The following JMJD1C variants were observed in gnomAD, a reference collection of about 807,000 sequenced individuals.
The protein encoded by JMJD1C is jumonji domain containing 1C.
JMJD1C carries 31 observed loss-of-function variants against 245.3 expected under a neutral mutation model. That is an observed-to-expected ratio of 0.13 (90% confidence interval 0.09 to 0.17). The LOEUF is 0.17. Among genes scored for constraint, JMJD1C ranks in the 10% least tolerant of loss-of-function variants. The probability of loss-of-function intolerance (pLI) is 1.00; values close to 1 mark genes in which losing one functional copy is unlikely to be tolerated. For synonymous variants in JMJD1C, 1,057 were observed against 1,017.4 expected (o/e 1.04, Z -0.74); for missense variants, 2,691 against 3,000.2 (o/e 0.90, Z 2.41).
At chr10:63,476,858 AG>A (rs1953677285) in intron 1 of JMJD1C, among the ~76,000 whole-genome samples, 1 of 152,242 alleles carries the variant, frequency 6.6e-6, no homozygotes, top group African/African-American at 2.4e-5. Context: ...TGAGGCCAGC[AG>A]ATCAAAGCTG....
At chr10:63,241,622 A>G (rs543718224) in intron 3 of JMJD1C, among the ~76,000 whole-genome samples, 124 of 152,252 alleles carry the variant, frequency 8.1e-4, no homozygotes, top group Middle Eastern at 3.4e-3. Flanking sequence ...ATTTTCACAT[A>G]GTATGTTATT....
At chr10:63,325,018 T>C (rs1428541903) in intron 2 of JMJD1C, among the ~76,000 whole-genome samples, 2 of 152,156 alleles carry the variant, frequency 1.3e-5, no homozygotes, top group Admixed American at 6.5e-5. Flanking sequence ...GACAAAGATA[T>C]ATATAGTCTA....
chr10:63,310,760 T>G (rs1939073188), intron 2 of JMJD1C, among the ~76,000 whole-genome samples: 1 of 152,210 alleles, frequency 6.6e-6, no homozygotes, highest in African/African-American at 2.4e-5. Flanking sequence ...CAAATCATTT[T>G]TTTTTAAATA....
At chr10:63,205,099 G>T in intron 10 of JMJD1C, 2 of 809,362 alleles carry the variant, frequency 2.5e-6, no homozygotes, top group Non-Finnish European at 3.0e-6. Context: ...ACACTTTATA[G>T]TGAATATTAC....
intron 3 of JMJD1C, among the ~76,000 whole-genome samples, chr10:63,251,426 T>G (rs1589287275): frequency 6.6e-6 from 1 of 152,216 alleles, no homozygotes; most frequent in African/African-American, 2.4e-5. Context: ...CCTATTTAAG[T>G]GCAAATGTGA....
At chr10:63,296,276 C>T (rs1859424054) in intron 2 of JMJD1C, among the ~76,000 whole-genome samples, 1 of 151,886 alleles carries the variant, frequency 6.6e-6, no homozygotes, top group African/African-American at 2.4e-5. Flanking sequence ...TCCCAAAGTG[C>T]TGGGATTACA....
intron 3 of JMJD1C, among the ~76,000 whole-genome samples, chr10:63,224,711 T>C (rs1197287669): frequency 6.6e-6 from 1 of 152,156 alleles, no homozygotes; most frequent in Non-Finnish European, 1.5e-5. Flanking sequence ...GAATATCCAC[T>C]ATCTTTCACA....
chr10:63,350,160 C>T (rs7073932), intron 2 of JMJD1C, among the ~76,000 whole-genome samples: 101,563 of 151,978 alleles, frequency 0.67, 36,406 homozygotes, highest in Non-Finnish European at 0.81. Context: ...ATCCTTATTA[C>T]CTCCATTTTG....
chr10:63,397,989 T>A (rs1390844440), intron 1 of JMJD1C, among the ~76,000 whole-genome samples: 2 of 152,258 alleles, frequency 1.3e-5, no homozygotes, highest in African/African-American at 4.8e-5. Context: ...CTTTTTAAAA[T>A]TTTTAACCTT....
At chr10:63,423,656 T>C (rs1363947073) in intron 1 of JMJD1C, among the ~76,000 whole-genome samples, 2 of 152,224 alleles carry the variant, frequency 1.3e-5, no homozygotes, top group Non-Finnish European at 2.9e-5. Flanking sequence ...TGGATAAATA[T>C]GTAGAATTGA....
chr10:63,420,407 TA>T (rs1235770632), intron 1 of JMJD1C, among the ~76,000 whole-genome samples: 3 of 151,580 alleles, frequency 2.0e-5, no homozygotes, highest in Admixed American at 2.0e-4. Context: ...ATTTAAAGAC[TA>T]AAAAAGGGCT....
intron 1 of JMJD1C, among the ~76,000 whole-genome samples, chr10:63,423,207 T>C (rs1455232546): frequency 6.6e-6 from 1 of 152,108 alleles, no homozygotes; most frequent in African/African-American, 2.4e-5. Context: ...TCTGGTGATA[T>C]GCCCACCTCA....
Position 63,484,835 on chromosome 10 carries a change from A to AG in JMJD1C, n.113+36902dup, listed in dbSNP as rs371461967. On this transcript the variant is annotated intron_variant and non_coding_transcript_variant, in intron 1 of 3. Coordinates refer to the JMJD1C transcript ENST00000633035. ...ATGGCCAGACTCAAATAGAAAATAG[A>AG]GGGGGGGAATAAAAGGAAGGAAGGA... is the stretch of plus-strand genomic sequence containing the variant. Among the ~76,000 whole-genome samples the AG allele has an allele frequency of 2.6e-3, 402 of 152,024 alleles. 2 individuals are homozygous for AG. The Middle Eastern group carries it at 0.031, about 12-fold the overall frequency.
chr10:63,393,537 G>GT (rs1329005932), intron 1 of JMJD1C, among the ~76,000 whole-genome samples: 1 of 152,024 alleles, frequency 6.6e-6, no homozygotes, highest in East Asian at 1.9e-4. Flanking sequence ...TCACTACTGG[G>GT]TATTTATCCA....
intron 1 of JMJD1C, among the ~76,000 whole-genome samples, chr10:63,416,960 T>C (rs1013562590): frequency 6.6e-6 from 1 of 152,182 alleles, no homozygotes; most frequent in African/African-American, 2.4e-5. Flanking sequence ...TTTACTAGTC[T>C]GAAAACATCT....
At chr10:63,186,683 T>TC (rs1844171580) in intron 18 of JMJD1C, among the ~76,000 whole-genome samples, 1 of 152,340 alleles carries the variant, frequency 6.6e-6, no homozygotes, top group Admixed American at 6.5e-5. Flanking sequence ...AGGGTAGATG[T>TC]CCTCTCCACC....
chr10:63,290,857 TA>T (rs201982252), intron 2 of JMJD1C, among the ~76,000 whole-genome samples: 5 of 152,036 alleles, frequency 3.3e-5, no homozygotes, highest in African/African-American at 4.8e-5. Context: ...AACGACAAGC[TA>T]AAAAAAATCA....
chr10:63,394,470 T>C (rs1948321337), intron 1 of JMJD1C, among the ~76,000 whole-genome samples: 1 of 152,174 alleles, frequency 6.6e-6, no homozygotes, highest in Non-Finnish European at 1.5e-5. Context: ...AGGTAAAACT[T>C]TGTCCAAGAA....
chr10:63,407,578 G>C (rs1949242198), intron 1 of JMJD1C, among the ~76,000 whole-genome samples: 2 of 152,102 alleles, frequency 1.3e-5, no homozygotes, highest in African/African-American at 4.8e-5. Context: ...TACTTTTTTA[G>C]TGTTACTCTA....
Sources: gnomAD v4.1 joint callset for allele counts (sites outside exome capture counted in the v4.1 genomes callset) on GRCh38, gnomAD v4.1.1 for gene constraint, MANE v1.5 for transcripts, NCBI Gene and HGNC (gene_info 2026-07-23, HGNC 2026-07-21) for gene names.